Variants in DDX52 observed in about 807,000 individuals in gnomAD.
DDX52 encodes the protein DExD-box helicase 52.
In DDX52, 59 loss-of-function variants were observed where a neutral mutation model predicts 76.1. That is an observed-to-expected ratio of 0.78 (90% CI 0.63 to 0.96). The LOEUF (loss-of-function observed/expected upper bound fraction) is 0.96. Among genes scored for constraint, DDX52 ranks in the 40% least tolerant of loss-of-function variants. The pLI is 0.00. For missense variants in DDX52, 707 were observed against 703.9 expected (o/e 1.00, Z -0.05); for synonymous variants, 231 against 244.1 (o/e 0.95, Z 0.50).
At position 37,612,929 on chromosome 17, in the gene DDX52, C is replaced by A. The variant is rs1450307505; in HGVS notation, c.*1367G>T. The A allele has an allele frequency of 4.6e-5, 7 of 151,976 alleles. No homozygotes were observed. Among genetic ancestry groups the A allele is most frequent in the Non-Finnish European group, 8.8e-5 (6 of 67,950 alleles). 9.4% of individuals were successfully genotyped at this position (151,976 alleles called of 1,614,324 possible). On this transcript the variant is annotated 3_prime_UTR_variant, in exon 15 of 15. Transcript: ENST00000617633. ...TGGGTAAAGGATCTGTTTGCATGAA[C>A]AAACAAAAAAATCATATTCTTGTAA... is the stretch of plus-strand genomic sequence containing the variant.
At chr17:37,636,048 CTT>C (rs1255140214) in intron 2 of DDX52, among the ~76,000 whole-genome samples, 1 of 152,114 alleles carries the variant, frequency 6.6e-6, no homozygotes, top group African/African-American at 2.4e-5. Flanking sequence ...CCATCTGTGG[CTT>C]GCCTTTTCAT....
At chr17:37,615,146 C>CA (rs2064410066) in intron 14 of DDX52, 1 of 152,184 alleles carries the variant, frequency 6.6e-6, no homozygotes, top group Non-Finnish European at 1.5e-5. Context: ...TAAGAGCGAT[C>CA]AGCACAGAAA....
intron 5 of DDX52, among the ~76,000 whole-genome samples, chr17:37,629,275 ACAT>A (rs1683007040): frequency 8.1e-6 from 1 of 123,736 alleles, no homozygotes; most frequent in Admixed American, 7.5e-5. Flanking sequence ...ACACACACAC[ACAT>A]AGTACTATTA....
chr17:37,642,761 A>T (rs1218895905), intron 1 of DDX52: 1 of 170,840 alleles, frequency 5.9e-6, no homozygotes, highest in African/African-American at 2.4e-5. Flanking sequence ...GCATATACAC[A>T]TCCAAACAAC....
chr17:37,637,474 G>T lies in DDX52; in HGVS notation c.287-4056C>A, dbSNP rs144560786. Among the ~76,000 whole-genome samples the T allele has an allele frequency of 2.1e-3, 313 of 151,948 alleles. 1 individual carries two copies. The highest frequency in any genetic ancestry group is 7.3e-3 in the African/African-American group (303 of 41,446). ...GAGTCTTGCTATGTTGCCCAAGCTG[G>T]TCTCAAAATTCCTGGCCTCAACTGA... On this transcript the variant is annotated intron_variant, in intron 2 of 14. Coordinates refer to ENST00000617633, the MANE Select transcript of DDX52 (RefSeq NM_007010.5).
At chr17:37,618,534 T>G (rs1350033004) in intron 13 of DDX52, 150 bp from the exon 14 acceptor site, 3 of 592,810 alleles carry the variant, frequency 5.1e-6, no homozygotes, top group Non-Finnish European at 8.2e-6. Flanking sequence ...CAGGCTGGAG[T>G]GCAATGGCAC....
At chr17:37,639,372 T>C (rs2031080723) in intron 2 of DDX52, 1 of 986,058 alleles carries the variant, frequency 1.0e-6, no homozygotes, top group Non-Finnish European at 1.2e-6. Context: ...TTGTTCCCTT[T>C]ATGAGACAGT....
Position 37,610,596 on chromosome 17 carries a change from A to G in DDX52, c.*3700T>C, listed in dbSNP as rs2064318692. 1 of 152,190 alleles carries G rather than the reference A, an allele frequency of 6.6e-6. No individual in the cohort carries two copies. Among genetic ancestry groups the G allele is most frequent in the African/African-American group, 2.4e-5 (1 of 41,438 alleles). The allele number at this position is 152,190 out of a possible 1,614,324, so 9.4% of individuals were successfully genotyped here. On this transcript the variant is annotated 3_prime_UTR_variant, in exon 15 of 15. Transcript: ENST00000617633. ...GGGTAATAATTTGTAATAAGTTATT[A>G]GGCACAAACCACTGGTCAGGAACTG... is the stretch of plus-strand genomic sequence containing the variant.
At chr17:37,630,387 G>A (rs2030619346) in intron 4 of DDX52, among the ~76,000 whole-genome samples, 1 of 152,156 alleles carries the variant, frequency 6.6e-6, no homozygotes, top group African/African-American at 2.4e-5. Context: ...CCCTTTGAAT[G>A]AGTGTAAAGA....
At chr17:37,643,200 A>T in intron 1 of DDX52, 134 bp downstream of exon 1, 1 of 858,724 alleles carries the variant, frequency 1.2e-6, no homozygotes, top group Non-Finnish European at 1.8e-6. Context: ...ACACAAAAGG[A>T]AGCAAAATAC....
At position 37,630,299 on chromosome 17, in the gene DDX52, A is replaced by C. The variant is rs577217565; in HGVS notation, c.604-126T>G. On this transcript the variant is annotated intron_variant, in intron 4 of 14. Transcript: ENST00000617633. ...TTTACATAATGAATCTAATCTTTCA[A>C]GTCATATCTGCTTTCCTAACATCAT... The C allele has an allele frequency of 2.2e-4, 228 of 1,059,966 alleles. 2 individuals carry two copies. In the South Asian group the frequency reaches 4.1e-3, roughly 19 times the overall value. The allele number at this position is 1,059,966 out of a possible 1,614,324, so 65.7% of individuals were successfully genotyped here.
chr17:37,643,287 C>A, intron 1 of DDX52, 47 bp downstream of exon 1: 1 of 1,582,218 alleles, frequency 6.3e-7, no homozygotes, highest in Non-Finnish European at 8.6e-7. Flanking sequence ...TTCCCGGGCT[C>A]CTGCTCCTTC....
At position 37,643,386 on chromosome 17, in the gene DDX52, G is replaced by A. The variant is rs373204877; in HGVS notation, c.35C>T (p.Ala12Val). 4 of 1,613,962 alleles carry A rather than the reference G, an allele frequency of 2.5e-6. No homozygotes were observed. Among genetic ancestry groups the A allele is most frequent in the Non-Finnish European group, 2.5e-6 (3 of 1,179,912 alleles). Residue 12 changes from alanine (A) to valine (V), a missense_variant, in exon 1 of 15, where the codon GCG (alanine) becomes GTG (valine). Ala to Val is a moderately conservative substitution (Grantham distance 64, BLOSUM62 0). Coordinates refer to ENST00000617633, the MANE Select transcript of DDX52 (RefSeq NM_007010.5). ...GCGTCTCGTGTCGAATTTGGCCCCC[G>A]CGCCGAGCCGGCGAAAGAGATCGTG... is the stretch of plus-strand genomic sequence containing the variant. ...DVHDLFRRLG[A>V]GAKFDTRRFS...
At chr17:37,617,099 T>C (rs1347246660) in intron 14 of DDX52, among the ~76,000 whole-genome samples, 3 of 152,244 alleles carry the variant, frequency 2.0e-5, no homozygotes, top group Non-Finnish European at 4.4e-5. Context: ...GAATCTTCTT[T>C]ACCTAACTTC....
intron 2 of DDX52, 130 bp from the exon 3 acceptor site, chr17:37,633,548 T>C (rs796162724): frequency 1.7e-6 from 1 of 603,108 alleles, no homozygotes; most frequent in Non-Finnish European, 2.3e-6. Flanking sequence ...CCCAGCTACT[T>C]AGGAGGCTGA....
chr17:37,628,719 A>G, intron 5 of DDX52, 47 bp from the exon 6 acceptor site: 3 of 1,342,584 alleles, frequency 2.2e-6, no homozygotes, highest in Middle Eastern at 1.8e-4. Context: ...ATACTTGGAC[A>G]AGATGTATAC....
At position 37,629,370 on chromosome 17, in the gene DDX52, T is replaced by TA. The variant is rs201885081; in HGVS notation, c.747+659dup. On this transcript the variant is annotated intron_variant, in intron 5 of 14. Coordinates refer to ENST00000617633, the MANE Select transcript of DDX52 (RefSeq NM_007010.5). ...CAGATCACTGTATACTTTTCCCTTC[T>TA]AAAAAAAACAAACTGAGATGAGTCA... 6.8e-3 allele frequency among the ~76,000 whole-genome samples: 1,027 copies of TA among 151,646 alleles called. 9 individuals carry two copies. Among genetic ancestry groups the TA allele is most frequent in the African/African-American group, 0.024 (979 of 41,316 alleles).
Position 37,621,241 on chromosome 17 carries a change from T to A in DDX52, c.1387A>T (p.Ile463Phe), listed in dbSNP as rs775877679. 12 of 1,613,548 alleles carry A rather than the reference T, an allele frequency of 7.4e-6. No individual in the cohort carries two copies. The highest frequency in any genetic ancestry group is 7.6e-6 in the Non-Finnish European group (9 of 1,179,850). ...NTVHSFRAGK[I>F]WVLICTALLA... ...AAGGCTGTACAAATCAGAACCCAGA[T>A]TTTTCCTGCTCTGAAACTGTGGACT... Residue 463 changes from isoleucine (I) to phenylalanine (F), a missense_variant, in exon 11 of 15, where the codon ATC becomes TTC. By Grantham distance (21) the Ile-to-Phe change is conservative. Transcript: ENST00000617633.
Position 37,630,163 on chromosome 17 carries a change from AGTTCCCGACCCT to A in DDX52, c.604-2_613del. On this transcript the variant is annotated splice_acceptor_variant and coding_sequence_variant, in exon 5 of 15. Coordinates refer to ENST00000617633, the MANE Select transcript of DDX52 (RefSeq NM_007010.5). LOFTEE classifies it high-confidence loss of function. ...AGATCCAGTTGGAGCAGAAGCCAGA[AGTTCCCGACCCT>A]AAAAACATAGGGTATATTAAATACT... is the stretch of plus-strand genomic sequence containing the variant. The A allele has an allele frequency of 6.2e-7, 1 of 1,609,058 alleles. No individual in the cohort carries two copies. Among genetic ancestry groups the A allele is most frequent in the South Asian group, 1.1e-5 (1 of 90,056 alleles).
Sources: allele counts gnomAD v4.1 joint callset (sites outside exome capture counted in the v4.1 genomes callset), GRCh38; gene constraint gnomAD v4.1.1; transcripts MANE v1.5; gene names NCBI Gene and HGNC (gene_info 2026-07-23, HGNC 2026-07-21).